Variants in PPP2R5E observed in about 807,000 individuals in gnomAD.
The protein encoded by PPP2R5E is serine/threonine-protein phosphatase 2A 56 kDa regulatory subunit epsilon isoform.
PPP2R5E carries 4 observed loss-of-function variants against 65.3 expected under a neutral mutation model. The ratio of observed to expected loss-of-function variants is 0.06; its 90% confidence interval spans 0.03 to 0.14. The LOEUF (loss-of-function observed/expected upper bound fraction) is 0.14, where lower values mean the gene tolerates loss of function less well. PPP2R5E is among the 10% of genes least tolerant of loss of function. The pLI is 1.00. For missense variants in PPP2R5E, 274 were observed against 556.1 expected, an observed-to-expected ratio of 0.49 and a Z score of 5.10; for synonymous variants, 183 against 187.4, an observed-to-expected ratio of 0.98 and a Z score of 0.19.
rs1270658455 is a variant in PPP2R5E, at chr14:63,515,851, C to CTT, written c.157+23676_157+23677dup. Among the ~76,000 whole-genome samples the CTT allele has an allele frequency of 1.8e-3, 240 of 136,484 alleles. 3 individuals are homozygous for CTT. The highest frequency in any genetic ancestry group is 5.9e-3 in the African/African-American group (220 of 36,984). 89.5% of individuals were successfully genotyped at this position (136,484 alleles called of 152,430 possible). A position where few individuals can be genotyped will look rare whatever the true frequency, so the allele number is the denominator to read the frequency against. ...CTTATTTTCTTTTATTTTTATTTTA[C>CTT]TTTTTTTTTTTTTTTTGAGACAGAG... On this transcript the variant is annotated intron_variant, in intron 2 of 13. Coordinates refer to ENST00000337537, the MANE Select transcript of PPP2R5E (RefSeq NM_006246.5).
Position 63,539,682 on chromosome 14 carries a change from A to C in PPP2R5E, c.4T>G (p.Ser2Ala). Residue 2 changes from serine (S) to alanine (A), a missense_variant, in exon 2 of 14, where the codon TCC (serine) becomes GCC (alanine). Around this residue, in one of 6 missense-constraint regions of PPP2R5E, gnomAD observed 58 missense variants for 64.8 expected, o/e 0.90. Coordinates refer to ENST00000337537, the MANE Select transcript of PPP2R5E (RefSeq NM_006246.5). ...GATGGAGGAGTAGTTGGTGCTGAGGACATATCCCTACTGAAGAGAAAGAAG... is the reference window on the plus strand; with the variant it reads ...GATGGAGGAGTAGTTGGTGCTGAGGCCATATCCCTACTGAAGAGAAAGAAG... MSSAPTTPPSVD... is the reference protein window; with the variant it reads MASAPTTPPSVD... The C allele has an allele frequency of 6.2e-7, 1 of 1,613,292 alleles. No individual in the cohort carries two copies. Among genetic ancestry groups the C allele is most frequent in the Non-Finnish European group, 8.5e-7 (1 of 1,179,440 alleles).
At chr14:63,485,528 C>T (rs1055180637) in intron 2 of PPP2R5E, among the ~76,000 whole-genome samples, 5 of 152,192 alleles carry the variant, frequency 3.3e-5, no homozygotes, top group Non-Finnish European at 5.9e-5. Context: ...GATTTTCCTG[C>T]CTCGGCCTCC....
At chr14:63,430,377 G>GCATGCATACATACATGCATA (rs1887587508) in intron 3 of PPP2R5E, among the ~76,000 whole-genome samples, 1 of 136,950 alleles carries the variant, frequency 7.3e-6, no homozygotes, top group African/African-American at 3.2e-5. Context: ...ATACATGCAT[G>GCATGCATACATACATGCATA]CATACATACA....
At chr14:63,469,018 G>A (rs549221966) in intron 2 of PPP2R5E, among the ~76,000 whole-genome samples, 1 of 152,270 alleles carries the variant, frequency 6.6e-6, no homozygotes, top group African/African-American at 2.4e-5. Flanking sequence ...GATATGATAG[G>A]TGGTTTCAAC....
chr14:63,422,710 G>A (rs184490725), intron 3 of PPP2R5E, among the ~76,000 whole-genome samples: 1 of 119,404 alleles, frequency 8.4e-6, no homozygotes, highest in Non-Finnish European at 1.6e-5. Context: ...CTGGATGAAA[G>A]AGCGAGACTC....
At chr14:63,476,567 C>A (rs1890422259) in intron 2 of PPP2R5E, among the ~76,000 whole-genome samples, 1 of 152,158 alleles carries the variant, frequency 6.6e-6, no homozygotes, top group Non-Finnish European at 1.5e-5. Context: ...TCAAATATCA[C>A]ATACCATACT....
intron 5 of PPP2R5E, among the ~76,000 whole-genome samples, chr14:63,410,420 A>C (rs1329680626): frequency 1.3e-5 from 2 of 152,172 alleles, no homozygotes; most frequent in Non-Finnish European, 2.9e-5. Flanking sequence ...CCGAGTGCAG[A>C]GGTTAGAAGG....
At chr14:63,478,757 G>C (rs1480305878) in intron 2 of PPP2R5E, among the ~76,000 whole-genome samples, 1 of 152,020 alleles carries the variant, frequency 6.6e-6, no homozygotes, top group African/African-American at 2.4e-5. Context: ...TGAGAACCTG[G>C]CTCCAATGCT....
chr14:63,424,675 C>CCGG (rs1887233130), intron 3 of PPP2R5E, among the ~76,000 whole-genome samples: 3 of 149,480 alleles, frequency 2.0e-5, no homozygotes, highest in Non-Finnish European at 4.4e-5. Context: ...GGCGTGAACC[C>CCGG]GGGAGGCGGA....
intron 4 of PPP2R5E, 68 bp from the exon 5 acceptor site, chr14:63,415,300 A>C: frequency 8.8e-7 from 1 of 1,130,320 alleles, no homozygotes; most frequent in Non-Finnish European, 1.3e-6. Flanking sequence ...AAACCACCAA[A>C]AGCCTGTAAC....
intron 5 of PPP2R5E, among the ~76,000 whole-genome samples, chr14:63,410,269 C>T (rs372728993): frequency 2.0e-5 from 3 of 152,210 alleles, no homozygotes; most frequent in South Asian, 4.2e-4. Flanking sequence ...ACAGGGTAAA[C>T]GTCATCCTGA....
intron 2 of PPP2R5E, among the ~76,000 whole-genome samples, chr14:63,520,336 A>G (rs1186825842): frequency 6.6e-6 from 1 of 152,146 alleles, no homozygotes; most frequent in African/African-American, 2.4e-5. Flanking sequence ...CGCCCAGCCA[A>G]GAAGAACCTT....
rs1255769 is a variant in PPP2R5E, at chr14:63,523,150, C to T, written c.157+16379G>A. Among the ~76,000 whole-genome samples, 773 of 150,126 alleles carry T rather than the reference C, an allele frequency of 5.1e-3. 13 individuals carry two copies. Among genetic ancestry groups the T allele is most frequent in the African/African-American group, 0.018 (722 of 40,042 alleles). On this transcript the variant is annotated intron_variant, in intron 2 of 13. Transcript: ENST00000337537. ...GAAGTGGGGGGCGCCTCTGCCCGGC[C>T]GCCCCTACTGGGAGGTGAGGAGCCC...
intron 2 of PPP2R5E, among the ~76,000 whole-genome samples, chr14:63,521,038 C>CA (rs1227995114): frequency 7.3e-5 from 11 of 150,460 alleles, no homozygotes; most frequent in African/African-American, 1.7e-4. Context: ...GACTCTGTCT[C>CA]AAAAAAAAGA....
At chr14:63,523,325 GA>G (rs531710339) in intron 2 of PPP2R5E, among the ~76,000 whole-genome samples, 2,940 of 152,270 alleles carry the variant, frequency 0.019, 37 homozygotes, top group Non-Finnish European at 0.028. Context: ...TGTGTAGTAG[GA>G]GGTAGACATG....
intron 5 of PPP2R5E, 75 bp from the exon 6 acceptor site, chr14:63,396,791 T>C: frequency 1.3e-6 from 2 of 1,539,098 alleles, no homozygotes; most frequent in Admixed American, 3.8e-5. Flanking sequence ...TTATTTAAAA[T>C]CCCCTTCTTC....
chr14:63,517,353 T>C (rs1892709060), intron 2 of PPP2R5E, among the ~76,000 whole-genome samples: 1 of 152,194 alleles, frequency 6.6e-6, no homozygotes, highest in South Asian at 2.1e-4. Context: ...TGATATTAAA[T>C]ATAGATTTGG....
At chr14:63,435,899 C>T (rs1887931895) in intron 3 of PPP2R5E, among the ~76,000 whole-genome samples, 1 of 152,194 alleles carries the variant, frequency 6.6e-6, no homozygotes, top group Non-Finnish European at 1.5e-5. Flanking sequence ...GTACTCGCTC[C>T]AAAATTGGAA....
chr14:63,542,388 G>GT (rs894625135), intron 1 of PPP2R5E, among the ~76,000 whole-genome samples: 1 of 151,978 alleles, frequency 6.6e-6, no homozygotes, highest in African/African-American at 2.4e-5. Flanking sequence ...CAGGGAAGGG[G>GT]TTTGTCTGTG....
Sources: gnomAD v4.1 joint callset for allele counts (sites outside exome capture counted in the v4.1 genomes callset) on GRCh38, gnomAD v4.1.1 for gene constraint, gnomAD v4.1.1 regional missense constraint, MANE v1.5 for transcripts, NCBI Gene and HGNC (gene_info 2026-07-23, HGNC 2026-07-21) for gene names.